LARGE1: variants seen among roughly 807,000 people sequenced by gnomAD.
The protein encoded by LARGE1 is LARGE xylosyl- and glucuronyltransferase 1, also known as xylosyl- and glucuronyltransferase LARGE1.
In LARGE1, 43 loss-of-function variants were observed where a neutral mutation model predicts 87.6. The ratio of observed to expected loss-of-function variants is 0.49; its 90% CI spans 0.38 to 0.63. The LOEUF (loss-of-function observed/expected upper bound fraction) is 0.63. Among genes scored for constraint, LARGE1 ranks in the 30% least tolerant of loss-of-function variants. The probability of loss-of-function intolerance (pLI) is 0.00; values close to 1 mark genes in which losing one functional copy is unlikely to be tolerated. For synonymous variants in LARGE1, 434 were observed against 394.6 expected (o/e 1.10, Z -1.18); for missense variants, 802 against 1,000.2 (o/e 0.80, Z 2.67).
At chr22:33,683,294 A>C (rs2081838190) in intron 2 of LARGE1, among the ~76,000 whole-genome samples, 1 of 152,220 alleles carries the variant, frequency 6.6e-6, no homozygotes, top group Non-Finnish European at 1.5e-5. Flanking sequence ...AGGCTGAGTA[A>C]AAAGAAACTG....
intron 9 of LARGE1, among the ~76,000 whole-genome samples, chr22:33,357,734 AG>A (rs148613079): frequency 0.064 from 9,740 of 152,222 alleles, 420 homozygotes; most frequent in South Asian, 0.14. Context: ...GCAGAGGTTG[AG>A]GGGGGCCGAG....
chr22:33,823,060 CTT>C (rs1387944138), intron 1 of LARGE1, among the ~76,000 whole-genome samples: 1 of 152,186 alleles, frequency 6.6e-6, no homozygotes, highest in Admixed American at 6.5e-5. Flanking sequence ...AGAAATAAAT[CTT>C]TGTTATTTCA....
the LARGE1 span, among the ~76,000 whole-genome samples, chr22:33,102,924 G>A: frequency 1.3e-5 from 2 of 152,114 alleles, no homozygotes; most frequent in Admixed American, 1.3e-4. Context: ...ACAAGGGAGA[G>A]TCAGAAACAG....
At chr22:33,746,824 C>T (rs972278270) in intron 2 of LARGE1, among the ~76,000 whole-genome samples, 2 of 152,112 alleles carry the variant, frequency 1.3e-5, no homozygotes, top group African/African-American at 4.8e-5. Flanking sequence ...ATTATTAAAT[C>T]CAAGTCCTGG....
chr22:33,509,383 C>A (rs2070936412), intron 6 of LARGE1, among the ~76,000 whole-genome samples: 1 of 152,136 alleles, frequency 6.6e-6, no homozygotes, highest in Admixed American at 6.5e-5. Context: ...CTTGGAGGTC[C>A]CAAGCACACA....
chr22:33,513,596 A>T (rs1408593405), intron 6 of LARGE1, among the ~76,000 whole-genome samples: 1 of 152,154 alleles, frequency 6.6e-6, no homozygotes, highest in Non-Finnish European at 1.5e-5. Flanking sequence ...TTCAATACAC[A>T]AGCAAAACAA....
the LARGE1 span, among the ~76,000 whole-genome samples, chr22:33,081,489 T>C: frequency 1.3e-5 from 2 of 151,982 alleles, no homozygotes; most frequent in Non-Finnish European, 2.9e-5. Context: ...GGAGTCAGAG[T>C]AGCTGGAATA....
chr22:33,656,625 C>G (rs960935930), intron 2 of LARGE1, among the ~76,000 whole-genome samples: 1 of 152,158 alleles, frequency 6.6e-6, no homozygotes, highest in Non-Finnish European at 1.5e-5. Context: ...TCTCTATTAC[C>G]TTTCCTTCCA....
At chr22:33,253,978 C>T (rs1229900413) in intron 11 of LARGE1, among the ~76,000 whole-genome samples, 4 of 151,890 alleles carry the variant, frequency 2.6e-5, no homozygotes, top group Non-Finnish European at 5.9e-5. Flanking sequence ...CTGCACTTCC[C>T]AGCCTCCTTT....
At chr22:33,710,713 T>A (rs1285824626) in intron 2 of LARGE1, among the ~76,000 whole-genome samples, 1 of 152,136 alleles carries the variant, frequency 6.6e-6, no homozygotes, top group African/African-American at 2.4e-5. Flanking sequence ...GTCATTTGAG[T>A]AGAATAAATC....
At chr22:33,856,994 G>C (rs1395296108) in intron 1 of LARGE1, among the ~76,000 whole-genome samples, 1 of 152,132 alleles carries the variant, frequency 6.6e-6, no homozygotes, top group Non-Finnish European at 1.5e-5. Context: ...GCAGTGGCGT[G>C]ATCTCAGTTC....
intron 2 of LARGE1, among the ~76,000 whole-genome samples, chr22:33,707,689 C>A (rs1315132500): frequency 6.6e-6 from 1 of 152,206 alleles, no homozygotes; most frequent in Non-Finnish European, 1.5e-5. Flanking sequence ...TGCAAAGATA[C>A]AGATAAGTCC....
At chr22:33,255,633 G>GT (rs1486308873) in intron 11 of LARGE1, among the ~76,000 whole-genome samples, 2 of 152,162 alleles carry the variant, frequency 1.3e-5, no homozygotes, top group Non-Finnish European at 2.9e-5. Flanking sequence ...CTGCCCTTAG[G>GT]TTTTTTAATT....
rs147912433 is a variant in LARGE1, at chr22:33,532,944, G to C, written c.787+31904C>G. Among the ~76,000 whole-genome samples the C allele has an allele frequency of 8.2e-3, 1,245 of 152,344 alleles. 11 individuals carry two copies. Among genetic ancestry groups the C allele is most frequent in the African/African-American group, 0.028 (1,178 of 41,582 alleles). On this transcript the variant is annotated intron_variant, in intron 6 of 14. Transcript: ENST00000397394. Reference sequence around the variant, plus strand: ...CCAGTACAGAGCAAGACACGTGGTAGGTTACAGCTCAAAGTGGTGCGTGTT... The same window carrying C: ...CCAGTACAGAGCAAGACACGTGGTACGTTACAGCTCAAAGTGGTGCGTGTT...
intron 8 of LARGE1, among the ~76,000 whole-genome samples, chr22:33,383,483 C>T (rs980989380): frequency 2.0e-5 from 3 of 152,028 alleles, no homozygotes; most frequent in African/African-American, 7.2e-5. Context: ...TTGCTTGAAC[C>T]CAGGAGGCGG....
chr22:33,900,903 T>G (rs55874195), intron 1 of LARGE1, among the ~76,000 whole-genome samples: 274 of 152,118 alleles, frequency 1.8e-3, no homozygotes, highest in Non-Finnish European at 3.1e-3. Flanking sequence ...AAAAATTAGC[T>G]GGGCATGGTG....
intron 7 of LARGE1, among the ~76,000 whole-genome samples, chr22:33,417,467 G>A (rs998786824): frequency 6.6e-6 from 1 of 152,196 alleles, no homozygotes; most frequent in Non-Finnish European, 1.5e-5. Context: ...TAGGGACATA[G>A]GAACAAAGAA....
At chr22:33,670,797 C>T (rs1603074858) in intron 2 of LARGE1, among the ~76,000 whole-genome samples, 1 of 152,180 alleles carries the variant, frequency 6.6e-6, no homozygotes, top group East Asian at 1.9e-4. Flanking sequence ...CCATACATCC[C>T]ATAAGCAAAT....
At chr22:33,454,251 T>C (rs1024683417) in intron 6 of LARGE1, among the ~76,000 whole-genome samples, 3 of 152,148 alleles carry the variant, frequency 2.0e-5, no homozygotes, top group Admixed American at 6.5e-5. Flanking sequence ...ATAGTAATCC[T>C]AGTTCAGGTA....
Sources: allele counts gnomAD v4.1 joint callset (sites outside exome capture counted in the v4.1 genomes callset), GRCh38; gene constraint gnomAD v4.1.1; transcripts MANE v1.5; gene names NCBI Gene and HGNC (gene_info 2026-07-23, HGNC 2026-07-21).